DSCAM: variants seen among roughly 807,000 people sequenced by gnomAD.
DSCAM encodes the protein cell adhesion molecule DSCAM.
DSCAM carries 47 observed loss-of-function variants against 217.7 expected under a neutral mutation model. That is an observed-to-expected ratio of 0.22 (90% CI 0.17 to 0.28). The LOEUF is 0.28. Ranked by LOEUF, DSCAM falls within the 10% of genes least tolerant of loss-of-function variation. The pLI is 1.00. For missense variants in DSCAM, 2,080 were observed against 2,618.3 expected, an observed-to-expected ratio of 0.79 and a Z score of 4.49; for synonymous variants, 1,056 against 1,015.3, an observed-to-expected ratio of 1.04 and a Z score of -0.76.
At chr21:40,697,951 C>T (rs539871341) in intron 2 of DSCAM, among the ~76,000 whole-genome samples, 1 of 152,090 alleles carries the variant, frequency 6.6e-6, no homozygotes, top group Admixed American at 6.6e-5. Context: ...TTAATTCTTC[C>T]AATCAACGAG....
intron 3 of DSCAM, among the ~76,000 whole-genome samples, chr21:40,575,933 T>C (rs536411342): frequency 6.6e-6 from 1 of 152,302 alleles, no homozygotes; most frequent in South Asian, 2.1e-4. Flanking sequence ...TAAACAATAA[T>C]ACAATACCAT....
At chr21:40,602,685 CTTTT>C (rs1037883361) in intron 3 of DSCAM, among the ~76,000 whole-genome samples, 2 of 152,036 alleles carry the variant, frequency 1.3e-5, no homozygotes, top group Non-Finnish European at 2.9e-5. Context: ...GATGAGTTCT[CTTTT>C]ATTTCCAATA....
rs533479288 is a variant in DSCAM, at chr21:40,598,103, T to C, written c.508+94707A>G. 2.2e-4 allele frequency among the ~76,000 whole-genome samples: 33 copies of C among 152,356 alleles called. 1 individual carries two copies. In the South Asian group the frequency reaches 6.8e-3, roughly 32 times the overall value. ...ATCCCTGGGGTTTGTCCTGTTCATC[T>C]TTCCCCACCTGCCACCTTCACATCC... On this transcript the variant is annotated intron_variant, in intron 3 of 32. Coordinates refer to ENST00000400454, the MANE Select transcript of DSCAM (RefSeq NM_001389.5).
chr21:40,036,296 A>T (rs1211212396), intron 32 of DSCAM, among the ~76,000 whole-genome samples: 66 of 150,060 alleles, frequency 4.4e-4, no homozygotes, highest in African/African-American at 1.7e-3. Flanking sequence ...AAAAGAGAGA[A>T]GAATCAAATA....
intron 3 of DSCAM, among the ~76,000 whole-genome samples, chr21:40,564,114 A>C (rs1164432013): frequency 6.6e-6 from 1 of 152,146 alleles, no homozygotes; most frequent in Non-Finnish European, 1.5e-5. Flanking sequence ...AACCACAATA[A>C]ATGTGCTTGG....
At chr21:40,351,996 A>C (rs1005729198) in intron 5 of DSCAM, among the ~76,000 whole-genome samples, 6 of 152,148 alleles carry the variant, frequency 3.9e-5, no homozygotes, top group African/African-American at 1.2e-4. Flanking sequence ...ATTAGGAAGA[A>C]GTTAGATTTA....
At position 40,761,367 on chromosome 21, in the gene DSCAM, T is replaced by C. The variant is rs1159694560; in HGVS notation, c.44-52596A>G. Among the ~76,000 whole-genome samples, 23 of 152,072 alleles carry C rather than the reference T, an allele frequency of 1.5e-4. No homozygotes were observed. The East Asian group carries it at 4.3e-3, about 28-fold the overall frequency. On this transcript the variant is annotated intron_variant, in intron 1 of 32. Transcript: ENST00000400454. ...CCCTCTATTTTCAAAGCCAACAACA[T>C]AGCATCTCTCTCTCTCTCCCTCCCG... is the stretch of plus-strand genomic sequence containing the variant.
intron 3 of DSCAM, among the ~76,000 whole-genome samples, chr21:40,603,250 T>C (rs568730749): frequency 2.0e-5 from 3 of 152,294 alleles, no homozygotes; most frequent in South Asian, 2.1e-4. Context: ...GTCCAGAATA[T>C]AGTCTTGGTG....
At chr21:40,474,229 G>A (rs937977008) in intron 3 of DSCAM, among the ~76,000 whole-genome samples, 1 of 152,042 alleles carries the variant, frequency 6.6e-6, no homozygotes, top group Non-Finnish European at 1.5e-5. Flanking sequence ...GGAGGTGGAG[G>A]TTGTAGTGAG....
intron 3 of DSCAM, among the ~76,000 whole-genome samples, chr21:40,499,718 C>T (rs1195203042): frequency 6.6e-6 from 1 of 152,192 alleles, no homozygotes; most frequent in Non-Finnish European, 1.5e-5. Flanking sequence ...TTCTCAGATG[C>T]ATAGAAGGAA....
At chr21:40,525,989 CCA>C (rs143493657) in intron 3 of DSCAM, among the ~76,000 whole-genome samples, 3,365 of 152,208 alleles carry the variant, frequency 0.022, 123 homozygotes, top group African/African-American at 0.076. Context: ...GGACTGAACC[CCA>C]GTTTCCCACA....
At chr21:40,686,556 T>A (rs1261961873) in intron 3 of DSCAM, among the ~76,000 whole-genome samples, 2 of 152,188 alleles carry the variant, frequency 1.3e-5, no homozygotes, top group Non-Finnish European at 2.9e-5. Flanking sequence ...AATATTAACA[T>A]ACCTATCTCT....
rs922103810 is a variant in DSCAM, at chr21:40,079,192, T to C, written c.4421-215A>G. On this transcript the variant is annotated intron_variant, in intron 25 of 32. Transcript: ENST00000400454. ...AATGACCTGGGTGTGTGACAGAAAATTGCATGGGTGGAGGTTATTTTGGGG... is the reference window on the plus strand; with the variant it reads ...AATGACCTGGGTGTGTGACAGAAAACTGCATGGGTGGAGGTTATTTTGGGG... 7.2e-5 allele frequency among the ~76,000 whole-genome samples: 11 copies of C among 152,210 alleles called. 1 individual carries two copies. The highest frequency in any genetic ancestry group is 5.9e-4 in the Admixed American group (9 of 15,296).
At chr21:40,139,138 T>A (rs2090256627) in intron 18 of DSCAM, among the ~76,000 whole-genome samples, 1 of 150,910 alleles carries the variant, frequency 6.6e-6, no homozygotes, top group African/African-American at 2.4e-5. Flanking sequence ...TGTGTACATG[T>A]GGTGTGGTAC....
chr21:40,652,575 G>C (rs1372845022), intron 3 of DSCAM, among the ~76,000 whole-genome samples: 3 of 152,162 alleles, frequency 2.0e-5, no homozygotes, highest in African/African-American at 7.2e-5. Flanking sequence ...AATGGGAGGA[G>C]ACACAGTGGA....
At chr21:40,578,989 C>T (rs939505537) in intron 3 of DSCAM, among the ~76,000 whole-genome samples, 2 of 152,170 alleles carry the variant, frequency 1.3e-5, no homozygotes, top group Admixed American at 6.5e-5. Flanking sequence ...TTGAAACCCA[C>T]ATGCAAACAA....
At chr21:40,481,000 G>A (rs983740338) in intron 3 of DSCAM, among the ~76,000 whole-genome samples, 1 of 152,196 alleles carries the variant, frequency 6.6e-6, no homozygotes, top group African/African-American at 2.4e-5. Flanking sequence ...GGCCTAGGAT[G>A]CCCTACACCC....
At chr21:40,417,225 C>T (rs2075380667) in intron 3 of DSCAM, among the ~76,000 whole-genome samples, 1 of 151,978 alleles carries the variant, frequency 6.6e-6, no homozygotes, top group South Asian at 2.1e-4. Flanking sequence ...ATATTTCATA[C>T]AGATTTAATT....
rs546004809 is a variant in DSCAM at position 40,764,255 on chromosome 21, A to T, written c.44-55484T>A. On this transcript the variant is annotated intron_variant, in intron 1 of 32. Transcript: ENST00000400454. ...ACTTAAACAAATTTACAAGAAAAAAACAAACAACTCCATCAAAAAGTGGGT... is the reference window on the plus strand; with the variant it reads ...ACTTAAACAAATTTACAAGAAAAAATCAAACAACTCCATCAAAAAGTGGGT... Among the ~76,000 whole-genome samples, 31 of 152,206 alleles carry T rather than the reference A, an allele frequency of 2.0e-4. 1 individual carries two copies. In the Middle Eastern group the frequency reaches 0.014, roughly 67 times the overall value.
Sources: gnomAD v4.1 joint callset for allele counts (sites outside exome capture counted in the v4.1 genomes callset) on GRCh38, gnomAD v4.1.1 for gene constraint, MANE v1.5 for transcripts, NCBI Gene and HGNC (gene_info 2026-07-23, HGNC 2026-07-21) for gene names.